PAPPA2: variants seen among roughly 807,000 people sequenced by gnomAD.
The protein encoded by PAPPA2 is pappalysin-2.
In PAPPA2, 86 loss-of-function variants were observed where a neutral mutation model predicts 176.4. That is an observed-to-expected ratio of 0.49 (90% confidence interval 0.41 to 0.58). The LOEUF is 0.58. Among genes scored for constraint, PAPPA2 ranks in the 20% least tolerant of loss-of-function variants. The pLI, the probability that PAPPA2 is intolerant of heterozygous loss-of-function variation, is 0.00. For missense variants in PAPPA2, 2,073 were observed against 2,256.9 expected (o/e 0.92, Z 1.65); for synonymous variants, 809 against 852.2 (o/e 0.95, Z 0.88).
intron 21 of PAPPA2, among the ~76,000 whole-genome samples, chr1:176,817,585 G>A (rs566798287): frequency 6.6e-6 from 1 of 152,252 alleles, no homozygotes; most frequent in African/African-American, 2.4e-5. Context: ...GGCACCAATA[G>A]TATAGATAGG....
chr1:176,535,245 C>T (rs1023359173), intron 1 of PAPPA2, among the ~76,000 whole-genome samples: 1 of 152,122 alleles, frequency 6.6e-6, no homozygotes, highest in Non-Finnish European at 1.5e-5. Context: ...AGCTGGAGCT[C>T]TAGTAGCCAT....
At chr1:176,597,218 C>T (rs189873631) in intron 3 of PAPPA2, among the ~76,000 whole-genome samples, 66 of 152,264 alleles carry the variant, frequency 4.3e-4, no homozygotes, top group Admixed American at 4.1e-3. Context: ...AAGTCACGTT[C>T]GGAAACTCAG....
intron 1 of PAPPA2, among the ~76,000 whole-genome samples, chr1:176,523,669 T>C (rs1649325758): frequency 6.6e-6 from 1 of 152,208 alleles, no homozygotes; most frequent in African/African-American, 2.4e-5. Flanking sequence ...CATGACTCTG[T>C]AGTAGACATT....
At position 176,634,950 on chromosome 1, in the gene PAPPA2, G is replaced by T. The variant is rs939402253; in HGVS notation, c.1992-36020G>T. Reference sequence around the variant, plus strand: ...TGATGATGATGATAGATGATAGGTAGATAGATAGATAGATAAATAGATAGA... The same window carrying T: ...TGATGATGATGATAGATGATAGGTATATAGATAGATAGATAAATAGATAGA... On this transcript the variant is annotated intron_variant, in intron 3 of 22. Transcript: ENST00000367662. Among the ~76,000 whole-genome samples the T allele has an allele frequency of 4.0e-4, 48 of 120,436 alleles. 1 individual carries two copies. In the Middle Eastern group the frequency reaches 0.012, roughly 30 times the overall value. 79.0% of individuals were successfully genotyped at this position (120,436 alleles called of 152,430 possible). A position where few individuals can be genotyped will look rare whatever the true frequency, so the allele number is the denominator to read the frequency against.
rs563906941 is a variant in PAPPA2 at position 176,596,185 on chromosome 1, T to A, written c.1991+590T>A. Among the ~76,000 whole-genome samples, 210 of 152,302 alleles carry A rather than the reference T, an allele frequency of 1.4e-3. 2 individuals are homozygous for A. The highest frequency in any genetic ancestry group is 5.0e-3 in the African/African-American group (208 of 41,546). On this transcript the variant is annotated intron_variant, in intron 3 of 22. Coordinates refer to ENST00000367662, the MANE Select transcript of PAPPA2 (RefSeq NM_020318.3). Reference sequence around the variant, plus strand: ...ATTCTTTGTGCAGCATCCAGAAGGATCTTTTTAAAAAGGTAAGTTGGATCC... The same window carrying A: ...ATTCTTTGTGCAGCATCCAGAAGGAACTTTTTAAAAAGGTAAGTTGGATCC...
At chr1:176,666,287 T>TA (rs1658636143) in intron 3 of PAPPA2, among the ~76,000 whole-genome samples, 1 of 152,026 alleles carries the variant, frequency 6.6e-6, no homozygotes, top group African/African-American at 2.4e-5. Context: ...AATGATTTTT[T>TA]AAAAAAATTT....
intron 3 of PAPPA2, among the ~76,000 whole-genome samples, chr1:176,609,431 A>C (rs1482320679): frequency 8.2e-6 from 1 of 122,272 alleles, no homozygotes; most frequent in Non-Finnish European, 1.8e-5. Flanking sequence ...GACAGTGGTA[A>C]GTGCTAGAGA....
intron 10 of PAPPA2, among the ~76,000 whole-genome samples, chr1:176,708,451 TA>T (rs1181735184): frequency 1.3e-5 from 2 of 150,900 alleles, no homozygotes; most frequent in African/African-American, 4.9e-5. Flanking sequence ...AGTCCGTGCT[TA>T]AAAAAATAGA....
intron 21 of PAPPA2, among the ~76,000 whole-genome samples, chr1:176,837,014 C>T (rs911098513): frequency 6.6e-6 from 1 of 152,086 alleles, no homozygotes. Flanking sequence ...CTCCCCACAG[C>T]AACTTCAAAA....
intron 9 of PAPPA2, 53 bp downstream of exon 9, chr1:176,702,788 A>G: frequency 6.6e-7 from 1 of 1,523,006 alleles, no homozygotes; most frequent in Non-Finnish European, 8.9e-7. Context: ...AGAGAGAGAG[A>G]GAGAGAGAGA....
In PAPPA2 at chr1:176,708,895, A is replaced by G. The variant is rs190615503; in HGVS notation, c.3458-1088A>G. On this transcript the variant is annotated intron_variant, in intron 10 of 22. Coordinates refer to ENST00000367662, the MANE Select transcript of PAPPA2 (RefSeq NM_020318.3). The stretch of plus-strand genomic sequence containing the variant: ...ATTGAATATATACCTAGGTGTTGTT[A>G]TTTTGAATCTTAATCTTATTTTCAT... Among the ~76,000 whole-genome samples, 245 of 152,270 alleles carry G rather than the reference A, an allele frequency of 1.6e-3. 1 individual carries two copies. The highest frequency in any genetic ancestry group is 3.0e-3 in the African/African-American group (126 of 41,570).
At chr1:176,482,841 C>G (rs554019112) in intron 1 of PAPPA2, among the ~76,000 whole-genome samples, 2 of 152,298 alleles carry the variant, frequency 1.3e-5, no homozygotes, top group African/African-American at 4.8e-5. Flanking sequence ...GAACTGATCA[C>G]AGTAACCAAG....
At chr1:176,689,986 A>C in intron 4 of PAPPA2, 151 bp from the exon 5 acceptor site, 1 of 708,090 alleles carries the variant, frequency 1.4e-6, no homozygotes, top group Non-Finnish European at 2.3e-6. Context: ...TGTGGCAAGA[A>C]AGAAAAGCAA....
intron 3 of PAPPA2, among the ~76,000 whole-genome samples, chr1:176,607,022 T>G (rs1023389066): frequency 1.3e-4 from 20 of 152,232 alleles, no homozygotes; most frequent in Non-Finnish European, 2.2e-4. Context: ...TATATACATG[T>G]CTGTTTTAAC....
At chr1:176,794,821 G>A (rs1665355400) in intron 20 of PAPPA2, among the ~76,000 whole-genome samples, 1 of 152,088 alleles carries the variant, frequency 6.6e-6, no homozygotes, top group South Asian at 2.1e-4. Context: ...GTTTTCAGAT[G>A]GACTTTCTAG....
chr1:176,820,822 A>G (rs1169797441), intron 21 of PAPPA2, among the ~76,000 whole-genome samples: 1 of 152,158 alleles, frequency 6.6e-6, no homozygotes, highest in Admixed American at 6.6e-5. Context: ...AAGAAAAGAA[A>G]AGAGAAAAAG....
Position 176,594,900 on chromosome 1 carries a change from C to T in PAPPA2, c.1296C>T (p.Ala432=). ...HLGTLVFWST[A]LPQSHFQHSS... is the part of the protein sequence containing the mutation. ...GCACACTGGTTTTCTGGTCGACCGC[C>T]CTGCCACAAAGCCATTTTCAGCACA... The change falls in exon 3 of 23, where the codon GCC becomes GCT. Residue 432 remains alanine (A), a synonymous_variant. Coordinates refer to ENST00000367662, the MANE Select transcript of PAPPA2 (RefSeq NM_020318.3). The T allele has an allele frequency of 6.2e-7, 1 of 1,614,202 alleles. No homozygotes were observed. Among genetic ancestry groups the T allele is most frequent in the East Asian group, 2.2e-5 (1 of 44,862 alleles).
intron 21 of PAPPA2, among the ~76,000 whole-genome samples, chr1:176,805,095 T>C (rs74443906): frequency 3.9e-4 from 46 of 117,432 alleles, no homozygotes; most frequent in Admixed American, 9.1e-4. Flanking sequence ...TCCTTCCTTT[T>C]ATTTTTCCTT....
At chr1:176,531,488 G>A (rs1649804758) in intron 1 of PAPPA2, among the ~76,000 whole-genome samples, 1 of 152,154 alleles carries the variant, frequency 6.6e-6, no homozygotes, top group South Asian at 2.1e-4. Flanking sequence ...CTAGGTGCTG[G>A]GATAGCACTG....
Sources: gnomAD v4.1 joint callset for allele counts (sites outside exome capture counted in the v4.1 genomes callset) on GRCh38, gnomAD v4.1.1 for gene constraint, MANE v1.5 for transcripts, NCBI Gene and HGNC (gene_info 2026-07-23, HGNC 2026-07-21) for gene names.